Variants in ATRX observed in about 807,000 individuals in gnomAD.
ATRX encodes the protein ATRX chromatin remodeler, also known as chromatin remodeler ATRX.
In ATRX, 12 loss-of-function variants were observed where a neutral mutation model predicts 172.6. The observed-to-expected ratio is 0.07, with a 90% CI of 0.04 to 0.11. The LOEUF (loss-of-function observed/expected upper bound fraction) is 0.11, where lower values mean the gene tolerates loss of function less well. ATRX is among the 10% of genes least tolerant of loss of function. The pLI is 1.00. For missense variants in ATRX, 1,368 were observed against 1,767.4 expected (o/e 0.77, Z 4.05); for synonymous variants, 674 against 594.7 (o/e 1.13, Z -1.94).
intron 27 of ATRX, among the ~76,000 whole-genome samples, chrX:77,585,007 C>G (rs1256880163): frequency 1.8e-5 from 2 of 111,673 alleles, no homozygotes; most frequent in Non-Finnish European, 3.8e-5. Context: ...AAATAATAAT[C>G]ATTTCTCAAA....
At chrX:77,557,135 T>C (rs2064836129) in intron 30 of ATRX, among the ~76,000 whole-genome samples, 1 of 111,953 alleles carries the variant, frequency 8.9e-6, no homozygotes, top group Non-Finnish European at 1.9e-5. Flanking sequence ...TTTCCCCTTT[T>C]CTAATTGGAA....
intron 9 of ATRX, among the ~76,000 whole-genome samples, chrX:77,681,166 C>G (rs2071165519): frequency 9.0e-6 from 1 of 111,563 alleles, no homozygotes; most frequent in South Asian, 3.7e-4. Context: ...ATACCAGTAC[C>G]AAGCACTCAC....
intron 1 of ATRX, among the ~76,000 whole-genome samples, chrX:77,745,149 AG>A (rs1165531527): frequency 6.1e-5 from 6 of 98,471 alleles, no homozygotes; most frequent in Non-Finnish European, 2.0e-5. Context: ...CCTGGGCAAC[AG>A]AGTGAGACCC....
Position 77,682,988 on chromosome X carries a change from T to C in ATRX, c.2268A>G (p.Glu756=), listed in dbSNP as rs1243608503. The change falls in exon 9 of 35, where the codon GAA becomes GAG. Residue 756 remains glutamate (E), a synonymous_variant. Coordinates refer to ENST00000373344, the MANE Select transcript of ATRX (RefSeq NM_000489.6). ...ACAAAGTCTTATGGTTTGTATGAAT[T>C]TCATTAATATCAGTATCTGAAGAAG... ...HSSSSDTDIN[E]IHTNHKTLYD... The C allele has an allele frequency of 3.3e-6, 4 of 1,208,796 alleles. No individual in the cohort carries two copies. Among genetic ancestry groups the C allele is most frequent in the Non-Finnish European group, 4.5e-6 (4 of 894,593 alleles).
At chrX:77,570,137 A>T (rs1355859349) in intron 28 of ATRX, among the ~76,000 whole-genome samples, 1 of 111,414 alleles carries the variant, frequency 9.0e-6, no homozygotes, top group Non-Finnish European at 1.9e-5. Flanking sequence ...ATTTTTCACA[A>T]AGGTGCAAAA....
intron 19 of ATRX, among the ~76,000 whole-genome samples, chrX:77,626,050 TATA>T (rs1290706820): frequency 1.6e-3 from 57 of 35,450 alleles, no homozygotes; most frequent in Non-Finnish European, 2.5e-3. Flanking sequence ...TATATATATA[TATA>T]TATATATATA....
intron 15 of ATRX, among the ~76,000 whole-genome samples, chrX:77,650,630 A>G (rs1177882607): frequency 3.6e-5 from 4 of 110,813 alleles, no homozygotes; most frequent in Non-Finnish European, 7.6e-5. Context: ...TGTCACCCAG[A>G]CTAAAGTGCA....
chrX:77,621,039 T>G (rs2067557516), intron 19 of ATRX, among the ~76,000 whole-genome samples: 2 of 111,596 alleles, frequency 1.8e-5, no homozygotes, highest in Non-Finnish European at 3.8e-5. Flanking sequence ...TAACTAACAT[T>G]CATTGCTGGG....
At chrX:77,509,919 G>GC (rs2062813635) in intron 34 of ATRX, among the ~76,000 whole-genome samples, 1 of 76,002 alleles carries the variant, frequency 1.3e-5, no homozygotes, top group African/African-American at 4.7e-5. Context: ...GGCGGGGGGG[G>GC]GGGGCACATG....
Position 77,561,557 on chromosome X carries a change from A to G in ATRX, c.6327-2711T>C, listed in dbSNP as rs961067269. The G allele has an allele frequency of 4.5e-5, 5 of 111,146 alleles. No individual in the cohort carries two copies. In the Admixed American group the frequency reaches 4.8e-4, roughly 11 times the overall value. The allele number at this position is 111,146 out of a possible 1,213,427, so 9.2% of individuals were successfully genotyped here. On this transcript the variant is annotated intron_variant, in intron 28 of 34. Transcript: ENST00000373344. ...CATTTCTGTCAGGTACATATCTAAG[A>G]GTGGAATTGCTGAGTCATAGGGTAT...
chrX:77,769,242 A>AC (rs1292654334), intron 1 of ATRX, among the ~76,000 whole-genome samples: 5 of 110,126 alleles, frequency 4.5e-5, no homozygotes, highest in Middle Eastern at 4.6e-3. Flanking sequence ...ATTATGTCAT[A>AC]CACAAGGATT....
At chrX:77,689,308 G>C (rs188876791) in intron 6 of ATRX, among the ~76,000 whole-genome samples, 226 of 111,979 alleles carry the variant, frequency 2.0e-3, no homozygotes, top group Non-Finnish European at 3.6e-3. Context: ...ATACGGAACA[G>C]ATTCTTTTGC....
intron 7 of ATRX, among the ~76,000 whole-genome samples, chrX:77,688,331 T>C (rs1262736274): frequency 8.9e-6 from 1 of 112,184 alleles, no homozygotes; most frequent in East Asian, 2.8e-4. Flanking sequence ...TAAAAAACAT[T>C]TTTAATTCTA....
intron 27 of ATRX, among the ~76,000 whole-genome samples, chrX:77,587,948 G>A (rs1322288924): frequency 8.9e-6 from 1 of 111,941 alleles, no homozygotes; most frequent in Non-Finnish European, 1.9e-5. Context: ...TGACTTCTTT[G>A]TAGAAATTTA....
chrX:77,640,630 C>T (rs1212203949), intron 15 of ATRX, among the ~76,000 whole-genome samples: 5 of 110,581 alleles, frequency 4.5e-5, no homozygotes, highest in African/African-American at 1.3e-4. Context: ...AAAGACACCA[C>T]GGGACCCTGA....
At chrX:77,716,083 C>T (rs782615476) in intron 2 of ATRX, among the ~76,000 whole-genome samples, 1 of 92,355 alleles carries the variant, frequency 1.1e-5, no homozygotes, top group East Asian at 3.7e-4. Flanking sequence ...CCAGTCTGGA[C>T]AACATAGCAA....
At chrX:77,608,363 C>T (rs1174563057) in intron 22 of ATRX, among the ~76,000 whole-genome samples, 3 of 90,688 alleles carry the variant, frequency 3.3e-5, no homozygotes, top group African/African-American at 1.3e-4. Context: ...AGCGAGACCC[C>T]GTCTCAAAAA....
intron 2 of ATRX, among the ~76,000 whole-genome samples, chrX:77,709,034 C>T (rs1171553897): frequency 8.9e-6 from 1 of 111,806 alleles, no homozygotes; most frequent in Non-Finnish European, 1.9e-5. Flanking sequence ...GAGCCAGACC[C>T]CGTCTCTACA....
intron 1 of ATRX, among the ~76,000 whole-genome samples, chrX:77,753,791 G>A (rs782227213): frequency 9.0e-6 from 1 of 111,507 alleles, no homozygotes; most frequent in South Asian, 3.7e-4. Context: ...TAAGTGTGAT[G>A]TGCTGAGAAG....
Sources: gnomAD v4.1 joint callset for allele counts (sites outside exome capture counted in the v4.1 genomes callset) on GRCh38, gnomAD v4.1.1 for gene constraint, MANE v1.5 for transcripts, NCBI Gene and HGNC (gene_info 2026-07-23, HGNC 2026-07-21) for gene names.